The following KSR2 variants were observed in gnomAD, a reference collection of about 807,000 sequenced individuals.
KSR2 encodes kinase suppressor of ras 2.
Under a neutral mutation model 107.8 loss-of-function variants are expected in KSR2, and 25 were observed. The observed-to-expected ratio is 0.23, with a 90% CI of 0.17 to 0.32. The LOEUF is 0.32. Among genes scored for constraint, KSR2 ranks in the 10% least tolerant of loss-of-function variants. The probability of loss-of-function intolerance (pLI) is 1.00; values close to 1 mark genes in which losing one functional copy is unlikely to be tolerated. For synonymous variants in KSR2, 480 were observed against 507.0 expected (o/e 0.95, Z 0.71); for missense variants, 887 against 1,268.9 (o/e 0.70, Z 4.57).
At chr12:117,660,029 G>A (rs925843742) in intron 5 of KSR2, among the ~76,000 whole-genome samples, 1 of 152,102 alleles carries the variant, frequency 6.6e-6, no homozygotes, top group African/African-American at 2.4e-5. Context: ...CCCACATCAG[G>A]CTGCTACACC....
intron 14 of KSR2, among the ~76,000 whole-genome samples, chr12:117,490,198 C>T (rs1016820667): frequency 1.3e-5 from 2 of 152,180 alleles, no homozygotes; most frequent in Non-Finnish European, 2.9e-5. Flanking sequence ...GCCCAGTTAT[C>T]AGACATGATT....
rs866850776 is a variant in KSR2, at chr12:117,692,596, C to T, written c.987-24938G>A. On this transcript the variant is annotated intron_variant, in intron 4 of 19. Coordinates refer to ENST00000339824, the MANE Select transcript of KSR2 (RefSeq NM_173598.6). ...GAAAATAGGTACTTAAACAAATACA[C>T]GTACACCTATGTTCATAGCAGCATT... Among the ~76,000 whole-genome samples the T allele has an allele frequency of 1.0e-4, 15 of 150,318 alleles. No individual in the cohort carries two copies. In the South Asian group the frequency reaches 2.3e-3, roughly 24 times the overall value.
At chr12:117,572,632 G>A (rs182193618) in intron 7 of KSR2, among the ~76,000 whole-genome samples, 2 of 150,652 alleles carry the variant, frequency 1.3e-5, no homozygotes, top group East Asian at 2.0e-4. Context: ...ATAGGAGACA[G>A]TTGAAATGCT....
intron 1 of KSR2, among the ~76,000 whole-genome samples, chr12:117,888,311 C>T (rs1894238912): frequency 6.6e-6 from 1 of 152,094 alleles, no homozygotes; most frequent in Non-Finnish European, 1.5e-5. Flanking sequence ...AAATGTTCCA[C>T]CATATATCAA....
At chr12:117,804,449 GAA>G (rs1213924703) in intron 3 of KSR2, among the ~76,000 whole-genome samples, 3 of 152,128 alleles carry the variant, frequency 2.0e-5, no homozygotes, top group Non-Finnish European at 2.9e-5. Flanking sequence ...GGTCCTTTAA[GAA>G]AAAGTTAGCT....
At chr12:117,584,557 T>A (rs891197353) in intron 5 of KSR2, among the ~76,000 whole-genome samples, 4 of 152,282 alleles carry the variant, frequency 2.6e-5, no homozygotes, top group Admixed American at 6.5e-5. Context: ...GAAAGGGCAC[T>A]GAAACTGATT....
intron 1 of KSR2, among the ~76,000 whole-genome samples, chr12:117,936,524 TTATTATTATTAGTAGTAGTAG>T (rs1157823311): frequency 1.1e-5 from 1 of 93,768 alleles, no homozygotes; most frequent in Non-Finnish European, 2.4e-5. Context: ...ATTATTATTA[TTATTATTATTAGTAGTAGTAG>T]TAGTAGTAGT....
intron 4 of KSR2, among the ~76,000 whole-genome samples, chr12:117,698,603 G>A (rs1886166800): frequency 1.3e-5 from 2 of 152,066 alleles, no homozygotes; most frequent in Admixed American, 1.3e-4. Context: ...TAGGATTACA[G>A]GTATGAGCCA....
rs1351298979 is a variant in KSR2 at position 117,753,978 on chromosome 12, G to A, written c.986+7033C>T. On this transcript the variant is annotated intron_variant, in intron 4 of 19. Transcript: ENST00000339824. ...TGTGTGTGTGTGTGTGTGTGTGTGT[G>A]TGTGTGTGTGTGTGTGTGTGTGTTT... Among the ~76,000 whole-genome samples the A allele has an allele frequency of 4.0e-5, 6 of 150,940 alleles. No homozygotes were observed. The East Asian group carries it at 1.2e-3, about 29-fold the overall frequency.
rs545158191 is a variant in KSR2, at chr12:117,551,531, G to C, written c.1518+3638C>G. The stretch of plus-strand genomic sequence containing the variant: ...CAGTCGTACAGCAAGTTAAAGAGCT[G>C]AGTTGCAAGCTCAGACTTCCTGTTT... On this transcript the variant is annotated intron_variant, in intron 9 of 19. Transcript: ENST00000339824. Among the ~76,000 whole-genome samples, 3 of 152,282 alleles carry C rather than the reference G, an allele frequency of 2.0e-5. No individual in the cohort carries two copies. In the South Asian group the frequency reaches 6.2e-4, roughly 32 times the overall value.
At chr12:117,782,210 G>C (rs1018578912) in intron 3 of KSR2, among the ~76,000 whole-genome samples, 1 of 152,174 alleles carries the variant, frequency 6.6e-6, no homozygotes, top group African/African-American at 2.4e-5. Context: ...CCTGTATCTA[G>C]AGTAACTCCT....
At position 117,899,038 on chromosome 12, in the gene KSR2, G is replaced by GTAC. The variant is rs1894601385; in HGVS notation, c.181-38608_181-38607insGTA. On this transcript the variant is annotated intron_variant, in intron 1 of 19. Coordinates refer to ENST00000339824, the MANE Select transcript of KSR2 (RefSeq NM_173598.6). ...CCCTCCATAGAATCTTGGCGCAGAT[G>GTAC]ATCTCATTACATCTTCGGTAGGTAC... Among the ~76,000 whole-genome samples, 3 of 152,244 alleles carry GTAC rather than the reference G, an allele frequency of 2.0e-5. No individual in the cohort carries two copies. In the East Asian group the frequency reaches 5.8e-4, roughly 29 times the overall value.
chr12:117,751,594 G>T (rs1460878546), intron 4 of KSR2, among the ~76,000 whole-genome samples: 1 of 152,160 alleles, frequency 6.6e-6, no homozygotes, highest in East Asian at 1.9e-4. Context: ...GAGTCCTTAA[G>T]TAGCATGACT....
intron 1 of KSR2, among the ~76,000 whole-genome samples, chr12:117,863,103 A>C (rs1893365307): frequency 6.6e-6 from 1 of 152,116 alleles, no homozygotes; most frequent in Non-Finnish European, 1.5e-5. Flanking sequence ...CCCACAGTCC[A>C]TCCGGCTGAT....
chr12:117,560,869 C>A (rs1222762625), intron 7 of KSR2, among the ~76,000 whole-genome samples: 1 of 152,166 alleles, frequency 6.6e-6, no homozygotes, highest in East Asian at 1.9e-4. Flanking sequence ...CCATGTGACA[C>A]CCCTGCTCCC....
intron 5 of KSR2, among the ~76,000 whole-genome samples, chr12:117,658,772 A>C (rs1006072645): frequency 6.6e-6 from 1 of 152,084 alleles, no homozygotes; most frequent in Non-Finnish European, 1.5e-5. Context: ...GAGGAGGGTA[A>C]ATTTGGTTGA....
chr12:117,704,880 A>G (rs999044311), intron 4 of KSR2, among the ~76,000 whole-genome samples: 1 of 152,014 alleles, frequency 6.6e-6, no homozygotes, highest in Non-Finnish European at 1.5e-5. Context: ...AAAGTACACA[A>G]TGAAGAAGGA....
intron 16 of KSR2, among the ~76,000 whole-genome samples, chr12:117,479,189 A>G (rs1334336226): frequency 6.6e-6 from 1 of 152,198 alleles, no homozygotes; most frequent in African/African-American, 2.4e-5. Context: ...GATATACTCG[A>G]CTTTTTGTAG....
chr12:117,712,904 A>C (rs1886840153), intron 4 of KSR2, among the ~76,000 whole-genome samples: 1 of 152,088 alleles, frequency 6.6e-6, no homozygotes, highest in Non-Finnish European at 1.5e-5. Context: ...ATATAGAGCT[A>C]TATCTTTAGA....
Sources: allele counts gnomAD v4.1 joint callset (sites outside exome capture counted in the v4.1 genomes callset), GRCh38; gene constraint gnomAD v4.1.1; transcripts MANE v1.5; gene names NCBI Gene and HGNC (gene_info 2026-07-23, HGNC 2026-07-21).